Variants in ENOX1 observed in about 807,000 individuals in gnomAD.
The protein encoded by ENOX1 is ecto-NOX disulfide-thiol exchanger 1, also known as candidate growth-related and time keeping constitutive hydroquinone (NADH) oxidase.
A neutral mutation model predicts 82.5 loss-of-function variants in ENOX1; 42 were observed. The observed-to-expected ratio is 0.51, with a 90% CI of 0.40 to 0.66. The LOEUF (loss-of-function observed/expected upper bound fraction) is 0.66. Ranked by LOEUF, ENOX1 falls within the 30% of genes least tolerant of loss-of-function variation. The pLI is 0.00. For synonymous variants in ENOX1, 271 were observed against 282.2 expected, an observed-to-expected ratio of 0.96 and a Z score of 0.40; for missense variants, 608 against 811.6, an observed-to-expected ratio of 0.75 and a Z score of 3.05.
At chr13:43,362,679 C>A (rs759299889) in intron 5 of ENOX1, among the ~76,000 whole-genome samples, 18 of 152,128 alleles carry the variant, frequency 1.2e-4, no homozygotes, top group Non-Finnish European at 2.1e-4. Flanking sequence ...GTAAGAATAA[C>A]CACACGCTTT....
chr13:43,361,637 C>T (rs897310281), intron 5 of ENOX1, among the ~76,000 whole-genome samples, 185 bp from the exon 6 acceptor site: 1 of 152,018 alleles, frequency 6.6e-6, no homozygotes, highest in Non-Finnish European at 1.5e-5. Flanking sequence ...AAAAGATGAA[C>T]ATTAAACTAC....
At chr13:43,409,133 A>C (rs80151728) in intron 5 of ENOX1, among the ~76,000 whole-genome samples, 6,912 of 152,112 alleles carry the variant, frequency 0.045, 453 homozygotes, top group African/African-American at 0.14. Context: ...GTGAATAGAA[A>C]ATGAAGGAGA....
chr13:43,224,233 G>T, intron 15 of ENOX1, 95 bp from the exon 16 acceptor site: 2 of 982,442 alleles, frequency 2.0e-6, no homozygotes, highest in Non-Finnish European at 3.2e-6. Context: ...ATTTTGTCAG[G>T]CTGAGTTATG....
chr13:43,550,892 T>C (rs761676365), intron 2 of ENOX1, among the ~76,000 whole-genome samples: 4 of 152,210 alleles, frequency 2.6e-5, no homozygotes, highest in Non-Finnish European at 4.4e-5. Flanking sequence ...TTTACGTTAT[T>C]AAGGAAAGGA....
chr13:43,439,995 A>G (rs2056275263), intron 3 of ENOX1, among the ~76,000 whole-genome samples: 1 of 152,180 alleles, frequency 6.6e-6, no homozygotes, highest in Non-Finnish European at 1.5e-5. Context: ...ATATATGTAT[A>G]TTTTTTACCT....
chr13:43,511,540 C>T (rs1391215273), intron 2 of ENOX1, among the ~76,000 whole-genome samples: 2 of 152,124 alleles, frequency 1.3e-5, no homozygotes, highest in African/African-American at 4.8e-5. Flanking sequence ...AATGAAACAA[C>T]ACACCACCTC....
chr13:43,743,804 C>T (rs965620222), intron 1 of ENOX1, among the ~76,000 whole-genome samples: 5 of 152,088 alleles, frequency 3.3e-5, no homozygotes, highest in African/African-American at 4.8e-5. Flanking sequence ...AATTTATGAA[C>T]TACAGAGATT....
chr13:43,639,491 A>G (rs1214495872), intron 2 of ENOX1, among the ~76,000 whole-genome samples: 1 of 152,150 alleles, frequency 6.6e-6, no homozygotes, highest in Non-Finnish European at 1.5e-5. Context: ...ACCTGATTCA[A>G]TTCCTATTTA....
intron 1 of ENOX1, among the ~76,000 whole-genome samples, chr13:43,677,690 T>C (rs2085577972): frequency 6.6e-6 from 1 of 152,178 alleles, no homozygotes; most frequent in Admixed American, 6.5e-5. Context: ...TTTTTTTACA[T>C]GTATGGTATC....
At chr13:43,412,198 G>T in intron 4 of ENOX1, 145 bp from the exon 5 acceptor site, 1 of 925,860 alleles carries the variant, frequency 1.1e-6, no homozygotes, top group Non-Finnish European at 1.6e-6. Context: ...CTGCAGCAAT[G>T]TTTTCTCTAG....
chr13:43,309,107 T>C (rs1018124339), intron 11 of ENOX1, among the ~76,000 whole-genome samples: 1 of 150,736 alleles, frequency 6.6e-6, no homozygotes, highest in Non-Finnish European at 1.5e-5. Context: ...CTGCAACCTC[T>C]GCCTCCCGGG....
At chr13:43,649,177 T>G (rs538230655) in intron 2 of ENOX1, among the ~76,000 whole-genome samples, 2 of 152,174 alleles carry the variant, frequency 1.3e-5, no homozygotes, top group African/African-American at 4.8e-5. Context: ...TATGGGAAAA[T>G]AGTACAAACA....
intron 3 of ENOX1, among the ~76,000 whole-genome samples, chr13:43,464,746 A>C (rs1446925746): frequency 6.6e-6 from 1 of 152,128 alleles, no homozygotes; most frequent in Non-Finnish European, 1.5e-5. Context: ...CATCACTACT[A>C]ACTCAACTCC....
chr13:43,284,909 T>C (rs905564257), intron 12 of ENOX1, among the ~76,000 whole-genome samples: 2 of 151,024 alleles, frequency 1.3e-5, no homozygotes, highest in Admixed American at 6.6e-5. Context: ...GAGGCAATTA[T>C]AAAAGAGGAG....
rs115774089 is a variant in ENOX1, at chr13:43,426,170, C to T, written c.-74-13182G>A. Among the ~76,000 whole-genome samples the T allele has an allele frequency of 2.9e-3, 438 of 152,190 alleles. 1 individual carries two copies. Among genetic ancestry groups the T allele is most frequent in the African/African-American group, 0.01 (422 of 41,516 alleles). Reference sequence around the variant, plus strand: ...GCCAAACTCAGTTCAGGATCGAATGCCATTCCGTTATTTATTCATGGATTA... The same window carrying T: ...GCCAAACTCAGTTCAGGATCGAATGTCATTCCGTTATTTATTCATGGATTA... On this transcript the variant is annotated intron_variant, in intron 3 of 16. Transcript: ENST00000690772.
intron 12 of ENOX1, among the ~76,000 whole-genome samples, chr13:43,293,849 A>ATGT (rs1340642528): frequency 6.6e-6 from 1 of 152,222 alleles, no homozygotes; most frequent in Non-Finnish European, 1.5e-5. Flanking sequence ...GAAAGTAGTA[A>ATGT]TGTTATATTT....
At chr13:43,666,193 G>A (rs2084969062) in intron 2 of ENOX1, among the ~76,000 whole-genome samples, 2 of 152,004 alleles carry the variant, frequency 1.3e-5, no homozygotes. Context: ...GCTGGATGCA[G>A]GGTTGCCACA....
chr13:43,299,360 T>C (rs1037035859), intron 11 of ENOX1, among the ~76,000 whole-genome samples: 7 of 151,988 alleles, frequency 4.6e-5, no homozygotes, highest in African/African-American at 1.7e-4. Context: ...TCTACCTTAT[T>C]GCTTAGGGGT....
At chr13:43,302,397 G>A (rs1297918449) in intron 11 of ENOX1, among the ~76,000 whole-genome samples, 2 of 152,096 alleles carry the variant, frequency 1.3e-5, no homozygotes, top group Non-Finnish European at 2.9e-5. Flanking sequence ...GTGAGGAGCT[G>A]TAGCATTCAC....
Sources: gnomAD v4.1 joint callset for allele counts (sites outside exome capture counted in the v4.1 genomes callset) on GRCh38, gnomAD v4.1.1 for gene constraint, MANE v1.5 for transcripts, NCBI Gene and HGNC (gene_info 2026-07-23, HGNC 2026-07-21) for gene names.